The following RBM6 variants were observed in gnomAD, a reference collection of about 807,000 sequenced individuals.
RBM6 encodes RNA-binding protein 6.
Under a neutral mutation model 140.4 loss-of-function variants are expected in RBM6, and 23 were observed. The observed-to-expected ratio is 0.16, with a 90% CI of 0.12 to 0.23. The LOEUF (loss-of-function observed/expected upper bound fraction) is 0.23. RBM6 is among the 10% of genes least tolerant of loss of function. The pLI, the probability that RBM6 is intolerant of heterozygous loss-of-function variation, is 1.00. For synonymous variants in RBM6, 439 were observed against 475.6 expected (o/e 0.92, Z 1.00); for missense variants, 1,139 against 1,386.7 (o/e 0.82, Z 2.84).
At chr3:50,061,913 G>T in intron 14 of RBM6, 49 bp from the exon 15 acceptor site, 1 of 1,587,874 alleles carries the variant, frequency 6.3e-7, no homozygotes, top group South Asian at 1.2e-5. Context: ...TGGAATTGCT[G>T]GGAAACTGAA....
intron 2 of RBM6, among the ~76,000 whole-genome samples, chr3:49,966,292 G>A (rs1033354853): frequency 6.6e-6 from 1 of 152,160 alleles, no homozygotes; most frequent in Non-Finnish European, 1.5e-5. Context: ...AATTGAGTTG[G>A]TATTAATATC....
chr3:49,986,322 C>T (rs1171253456), intron 5 of RBM6, among the ~76,000 whole-genome samples: 2 of 150,822 alleles, frequency 1.3e-5, no homozygotes, highest in Non-Finnish European at 3.0e-5. Flanking sequence ...TGGCCTGGTG[C>T]GGTGGCTCAC....
At chr3:50,023,002 G>T (rs1399944979) in intron 6 of RBM6, among the ~76,000 whole-genome samples, 2 of 152,142 alleles carry the variant, frequency 1.3e-5, no homozygotes, top group African/African-American at 4.8e-5. Context: ...GGGAGGCTGA[G>T]ATGGAAGGAT....
intron 5 of RBM6, among the ~76,000 whole-genome samples, chr3:49,996,428 G>A (rs2086090801): frequency 1.3e-5 from 2 of 152,024 alleles, no homozygotes; most frequent in Admixed American, 1.3e-4. Flanking sequence ...TTTAATTCCA[G>A]CCCTTTTTCC....
intron 7 of RBM6, among the ~76,000 whole-genome samples, chr3:50,052,505 C>A (rs183082203): frequency 7.2e-5 from 11 of 152,320 alleles, no homozygotes; most frequent in Non-Finnish European, 1.5e-5. Flanking sequence ...TATTCTTTCC[C>A]CATTGGCACT....
intron 1 of RBM6, among the ~76,000 whole-genome samples, chr3:49,956,332 T>C (rs2083988125): frequency 1.4e-5 from 2 of 139,646 alleles, no homozygotes. Flanking sequence ...CCCCCGCTTT[T>C]TTTTTTTTTT....
intron 6 of RBM6, among the ~76,000 whole-genome samples, chr3:50,023,178 C>T (rs1437957987): frequency 1.3e-5 from 2 of 152,104 alleles, no homozygotes; most frequent in African/African-American, 4.8e-5. Context: ...GAATTTATCC[C>T]TCAGAATCTT....
At chr3:50,072,397 G>A (rs1423846409) in intron 19 of RBM6, among the ~76,000 whole-genome samples, 4 of 149,150 alleles carry the variant, frequency 2.7e-5, no homozygotes, top group South Asian at 2.1e-4. Flanking sequence ...GTAATAGAGC[G>A]AGACTCCAAA....
At chr3:50,053,618 A>G (rs1341385020) in intron 7 of RBM6, among the ~76,000 whole-genome samples, 1 of 151,806 alleles carries the variant, frequency 6.6e-6, no homozygotes, top group Non-Finnish European at 1.5e-5. Context: ...TACTCGCCCT[A>G]TAAGGCCCTC....
chr3:49,955,088 A>G (rs903218190), intron 1 of RBM6, among the ~76,000 whole-genome samples: 7 of 151,102 alleles, frequency 4.6e-5, no homozygotes, highest in African/African-American at 1.5e-4. Context: ...TTAATACATA[A>G]TAGCTTATCC....
intron 2 of RBM6, among the ~76,000 whole-genome samples, chr3:49,966,038 A>T (rs2084503153): frequency 6.6e-6 from 1 of 152,116 alleles, no homozygotes; most frequent in African/African-American, 2.4e-5. Flanking sequence ...AGGCATGAGA[A>T]TTGCTTGAAC....
intron 1 of RBM6, among the ~76,000 whole-genome samples, chr3:49,942,266 G>A (rs949359027): frequency 7.9e-5 from 12 of 151,650 alleles, no homozygotes; most frequent in Non-Finnish European, 1.3e-4. Context: ...GAGGTGGGCG[G>A]ATCACGAGGT....
chr3:50,067,298 T>C (rs2090155390), intron 17 of RBM6, among the ~76,000 whole-genome samples: 1 of 150,852 alleles, frequency 6.6e-6, no homozygotes, highest in Non-Finnish European at 1.5e-5. Context: ...AATGAATTGC[T>C]CTGGATTAAG....
chr3:50,000,041 G>GT (rs929324369), intron 6 of RBM6, among the ~76,000 whole-genome samples: 4 of 152,164 alleles, frequency 2.6e-5, no homozygotes, highest in African/African-American at 7.2e-5. Context: ...ATTCATCATT[G>GT]TTTTTTGCCA....
intron 6 of RBM6, among the ~76,000 whole-genome samples, chr3:50,026,130 G>C (rs887226216): frequency 2.0e-5 from 3 of 151,572 alleles, no homozygotes; most frequent in African/African-American, 7.3e-5. Context: ...CGTCTTCCAG[G>C]CTGGAGTGCA....
intron 6 of RBM6, among the ~76,000 whole-genome samples, chr3:50,045,668 G>T (rs1332628943): frequency 6.6e-6 from 1 of 152,190 alleles, no homozygotes; most frequent in African/African-American, 2.4e-5. Flanking sequence ...TAGCAAGCAA[G>T]CAAGGTGAAA....
intron 15 of RBM6, among the ~76,000 whole-genome samples, chr3:50,064,229 C>G (rs979366161): frequency 6.6e-6 from 1 of 152,166 alleles, no homozygotes; most frequent in African/African-American, 2.4e-5. Flanking sequence ...CTGCGCCCAG[C>G]CTTTTTTTCC....
At chr3:50,056,363 C>T (rs1022212582) in intron 8 of RBM6, among the ~76,000 whole-genome samples, 10 of 151,514 alleles carry the variant, frequency 6.6e-5, no homozygotes, top group Non-Finnish European at 1.0e-4. Context: ...GGCGCAATCT[C>T]GGCTCACTGC....
intron 1 of RBM6, among the ~76,000 whole-genome samples, chr3:49,951,391 G>GGA (rs1168734759): frequency 6.7e-6 from 1 of 148,476 alleles, no homozygotes; most frequent in Non-Finnish European, 1.5e-5. Context: ...TTGTGTGTGT[G>GGA]TATATGTGTG....
Sources: allele counts gnomAD v4.1 joint callset (sites outside exome capture counted in the v4.1 genomes callset), GRCh38; gene constraint gnomAD v4.1.1; transcripts MANE v1.5; gene names NCBI Gene and HGNC (gene_info 2026-07-23, HGNC 2026-07-21).